PCDHGA8: variants seen among roughly 807,000 people sequenced by gnomAD.
PCDHGA8 encodes the protein protocadherin gamma-A8.
A neutral mutation model predicts 59.2 loss-of-function variants in PCDHGA8; 45 were observed. The ratio of observed to expected loss-of-function variants is 0.76; its 90% CI spans 0.60 to 0.98. The LOEUF is 0.98. PCDHGA8 is among the 50% of genes least tolerant of loss of function. The pLI is 0.00. For missense variants in PCDHGA8, 1,257 were observed against 1,196.2 expected, an observed-to-expected ratio of 1.05 and a Z score of -0.75; for synonymous variants, 531 against 519.0, an observed-to-expected ratio of 1.02 and a Z score of -0.32.
chr5:141,409,116 A>G (rs1236625059), intron 1 of PCDHGA8: 1 of 1,614,034 alleles, frequency 6.2e-7, no homozygotes. Flanking sequence ...AAGAATAACC[A>G]GTCATTTGAT....
At chr5:141,452,895 A>G (rs527695680) in intron 1 of PCDHGA8, among the ~76,000 whole-genome samples, 16 of 152,312 alleles carry the variant, frequency 1.1e-4, no homozygotes, top group African/African-American at 3.6e-4. Flanking sequence ...TTCCACTTTT[A>G]TTAGTTGGCA....
chr5:141,425,836 C>T (rs568578402), intron 1 of PCDHGA8, among the ~76,000 whole-genome samples: 1 of 152,344 alleles, frequency 6.6e-6, no homozygotes, highest in East Asian at 1.9e-4. Context: ...TTTAAATTCT[C>T]TTTGCTGGGT....
At chr5:141,468,744 T>G (rs113912306) in intron 1 of PCDHGA8, among the ~76,000 whole-genome samples, 5,602 of 152,138 alleles carry the variant, frequency 0.037, 142 homozygotes, top group South Asian at 0.077. Flanking sequence ...CGGGTGCCTG[T>G]AGTCCCAGCT....
At chr5:141,399,048 G>T (rs779434482) in intron 1 of PCDHGA8, 1 of 1,613,830 alleles carries the variant, frequency 6.2e-7, no homozygotes, top group East Asian at 2.2e-5. Context: ...ATTTTGAAGA[G>T]ACCAAGGAAT....
In PCDHGA8 at chr5:141,445,206, A is replaced by G. The variant is rs1244524491; in HGVS notation, c.2425-49601A>G. On this transcript the variant is annotated intron_variant, in intron 1 of 3. Transcript: ENST00000398604. ...TTTTTATGTATTCTATATGCTTTTGAAAAGTAAGAGGTGCAAAGTGCTCTA... is the reference window on the plus strand; with the variant it reads ...TTTTTATGTATTCTATATGCTTTTGGAAAGTAAGAGGTGCAAAGTGCTCTA... 3.3e-5 allele frequency among the ~76,000 whole-genome samples: 5 copies of G among 152,182 alleles called. No individual in the cohort carries two copies. The East Asian group carries it at 7.7e-4, about 23-fold the overall frequency.
chr5:141,452,914 TAAGA>T (rs1164409830), intron 1 of PCDHGA8, among the ~76,000 whole-genome samples: 1 of 152,226 alleles, frequency 6.6e-6, no homozygotes, highest in African/African-American at 2.4e-5. Flanking sequence ...CATTATACAG[TAAGA>T]AAGAGCTGCT....
intron 1 of PCDHGA8, chr5:141,409,541 G>T: frequency 6.2e-7 from 1 of 1,613,970 alleles, no homozygotes; most frequent in Non-Finnish European, 8.5e-7. Context: ...TGACATCAAC[G>T]ACAACGCCCC....
rs182905441 is a variant in PCDHGA8, at chr5:141,450,871, C to A, written c.2425-43936C>A. Among the ~76,000 whole-genome samples, 581 of 149,672 alleles carry A rather than the reference C, an allele frequency of 3.9e-3. 6 individuals carry two copies. Among genetic ancestry groups the A allele is most frequent in the Admixed American group, 0.011 (168 of 14,998 alleles). ...ATGGGGTCTTGCTCTGTCACCCAGGCTGGTGTGCAGTGGTGCGATATCGGC... is the reference window on the plus strand; with the variant it reads ...ATGGGGTCTTGCTCTGTCACCCAGGATGGTGTGCAGTGGTGCGATATCGGC... On this transcript the variant is annotated intron_variant, in intron 1 of 3. Coordinates refer to ENST00000398604, the MANE Select transcript of PCDHGA8 (RefSeq NM_032088.2).
At chr5:141,422,394 C>T (rs898242724) in intron 1 of PCDHGA8, 1 of 1,595,520 alleles carries the variant, frequency 6.3e-7, no homozygotes, top group Non-Finnish European at 8.5e-7. Context: ...TTATTCCTAA[C>T]CACCTGCCTT....
chr5:141,441,697 C>A (rs1415018255), intron 1 of PCDHGA8: 4 of 307,190 alleles, frequency 1.3e-5, no homozygotes, highest in Non-Finnish European at 1.3e-5. Flanking sequence ...CAGCCGCGAG[C>A]CTTCAAGCTC....
rs535002528 is a variant in PCDHGA8 at position 141,396,788 on chromosome 5, T to C, written c.2424+1551T>C. On this transcript the variant is annotated intron_variant, in intron 1 of 3. Transcript: ENST00000398604. ...GTTTGTTATTAATGAAAAGGACATT[T>C]CCTAAGGATTGTGTAGTGTTCTACT... Among the ~76,000 whole-genome samples, 53 of 152,322 alleles carry C rather than the reference T, an allele frequency of 3.5e-4. 2 individuals are homozygous for C. Among genetic ancestry groups the C allele is most frequent in the Admixed American group, 3.3e-3 (50 of 15,300 alleles).
intron 1 of PCDHGA8, among the ~76,000 whole-genome samples, chr5:141,443,727 A>T: frequency 6.6e-6 from 1 of 152,220 alleles, no homozygotes; most frequent in Non-Finnish European, 1.5e-5. Context: ...AATTCCTCAT[A>T]CATTTCCCTA....
chr5:141,433,361 A>ATCTATCTATCTC, intron 1 of PCDHGA8: 1 of 297,578 alleles, frequency 3.4e-6, no homozygotes, highest in Non-Finnish European at 6.3e-6. Context: ...CTGTCTGCCT[A>ATCTATCTATCTC]TCTATCTATC....
At chr5:141,423,836 GATA>G (rs752488755) in intron 1 of PCDHGA8, 23 of 1,275,246 alleles carry the variant, frequency 1.8e-5, no homozygotes, top group Non-Finnish European at 2.1e-5. Context: ...ATGAGATTAC[GATA>G]ATCTTTCAGA....
Position 141,511,380 on chromosome 5 carries a change from C to T in PCDHGA8, c.*207C>T, listed in dbSNP as rs896762148. 1.5e-5 allele frequency: 18 copies of T among 1,170,372 alleles called. No homozygotes were observed. The highest frequency in any genetic ancestry group is 3.0e-4 in the Middle Eastern group (1 of 3,384). 72.5% of individuals were successfully genotyped at this position (1,170,372 alleles called of 1,614,324 possible). ...GGGGTTGAATATGCAAAAGCAGTTC[C>T]GCTGGGAACCCCCATCCAATCAACT... is the stretch of plus-strand genomic sequence containing the variant. On this transcript the variant is annotated 3_prime_UTR_variant, in exon 4 of 4. Coordinates refer to ENST00000398604, the MANE Select transcript of PCDHGA8 (RefSeq NM_032088.2).
chr5:141,433,508 A>G (rs2097615565), intron 1 of PCDHGA8, among the ~76,000 whole-genome samples: 1 of 152,068 alleles, frequency 6.6e-6, no homozygotes, highest in Non-Finnish European at 1.5e-5. Context: ...TGCTGGGATT[A>G]CAGGCGTGAA....
Position 141,487,650 on chromosome 5 carries a change from G to T in PCDHGA8, c.2425-7157G>T, listed in dbSNP as rs772715932. The T allele has an allele frequency of 6.8e-6, 11 of 1,613,876 alleles. No individual in the cohort carries two copies. Among genetic ancestry groups the T allele is most frequent in the Admixed American group, 1.7e-5 (1 of 59,978 alleles). On this transcript the variant is annotated intron_variant, in intron 1 of 3. Coordinates refer to ENST00000398604, the MANE Select transcript of PCDHGA8 (RefSeq NM_032088.2). This position sits in a 1 kb window ranked among gnomAD's most constrained non-coding sequence, Gnocchi z 5.0. ...TTGCAGGCTCAACAAATGCTTGAGG[G>T]TTATTCTGATCCAGGCATATGGCTA...
At chr5:141,416,870 A>G (rs1315073474) in intron 1 of PCDHGA8, 4 of 152,154 alleles carry the variant, frequency 2.6e-5, no homozygotes, top group Non-Finnish European at 5.9e-5. Flanking sequence ...GTCAGTCAAC[A>G]TTTGTTGAAT....
intron 1 of PCDHGA8, 58 bp from the exon 2 acceptor site, chr5:141,494,749 G>A (rs573811540): frequency 2.9e-5 from 47 of 1,612,698 alleles, no homozygotes; most frequent in Non-Finnish European, 3.6e-5. Flanking sequence ...CTAGGGGCTC[G>A]GGTGACATTC....
Sources: allele counts gnomAD v4.1 joint callset (sites outside exome capture counted in the v4.1 genomes callset), GRCh38; gene constraint gnomAD v4.1.1; non-coding constraint Gnocchi (gnomAD v3.1); transcripts MANE v1.5; gene names NCBI Gene and HGNC (gene_info 2026-07-23, HGNC 2026-07-21).